ASCC3: variants seen among roughly 807,000 people sequenced by gnomAD.
The protein encoded by ASCC3 is activating signal cointegrator 1 complex subunit 3, also known as ASC-1 complex subunit P200.
In ASCC3, 158 loss-of-function variants were observed where a neutral mutation model predicts 256.3. The observed-to-expected ratio is 0.62, with a 90% CI of 0.54 to 0.70. The LOEUF is 0.70. ASCC3 is among the 30% of genes least tolerant of loss of function. The probability of loss-of-function intolerance (pLI) is 0.00; values close to 1 mark genes in which losing one functional copy is unlikely to be tolerated. For synonymous variants in ASCC3, 948 were observed against 883.4 expected, an observed-to-expected ratio of 1.07 and a Z score of -1.30; for missense variants, 2,259 against 2,626.0, an observed-to-expected ratio of 0.86 and a Z score of 3.05.
chr6:100,637,498 T>C (rs142509179), intron 25 of ASCC3, among the ~76,000 whole-genome samples: 193 of 152,254 alleles, frequency 1.3e-3, no homozygotes, highest in African/African-American at 4.5e-3. Flanking sequence ...TCCAGGGATA[T>C]AGGGGTAATT....
chr6:100,645,604 T>C (rs1775340912), intron 22 of ASCC3, among the ~76,000 whole-genome samples: 1 of 152,178 alleles, frequency 6.6e-6, no homozygotes, highest in East Asian at 1.9e-4. Flanking sequence ...TTGTTTTCCC[T>C]GATTGGCTTC....
Position 100,606,778 on chromosome 6 carries a change from T to C in ASCC3, c.5006A>G (p.Asp1669Gly). 1 of 1,608,766 alleles carries C rather than the reference T, an allele frequency of 6.2e-7. No homozygotes were observed. The highest frequency in any genetic ancestry group is 8.5e-7 in the Non-Finnish European group (1 of 1,178,008). Residue 1669 changes from aspartate (D) to glycine (G), a missense_variant, in exon 32 of 42, where the codon GAT becomes GGT. By Grantham distance (94) the Asp-to-Gly change is moderately conservative. Coordinates refer to ENST00000369162, the MANE Select transcript of ASCC3 (RefSeq NM_006828.4). ...ATCCACATAACGTCTTGTTTTTCCA[T>C]CATAGTATTCTGTTCCCTTAATAAT... ...LVIIKGTEYY[D>G]GKTRRYVDFP...
chr6:100,798,310 A>C (rs1479182247), intron 8 of ASCC3, among the ~76,000 whole-genome samples: 1 of 152,108 alleles, frequency 6.6e-6, no homozygotes, highest in Non-Finnish European at 1.5e-5. Context: ...AAAATTTAAA[A>C]ATTTAGAAAA....
chr6:100,671,018 G>T (rs1188460663), intron 14 of ASCC3, among the ~76,000 whole-genome samples: 3 of 151,866 alleles, frequency 2.0e-5, no homozygotes, highest in Non-Finnish European at 1.5e-5. Context: ...AGTTGATTTG[G>T]AAAGACCTCC....
intron 36 of ASCC3, among the ~76,000 whole-genome samples, chr6:100,560,748 AAC>A (rs747539213): frequency 0.074 from 9,927 of 133,588 alleles, 311 homozygotes; most frequent in South Asian, 0.11. Flanking sequence ...ATCTTAGAGG[AAC>A]ACACACACAC....
rs183331499 is a variant in ASCC3, at chr6:100,689,506, C to T, written c.2152-9754G>A. Among the ~76,000 whole-genome samples the T allele has an allele frequency of 9.2e-5, 14 of 152,286 alleles. No individual in the cohort carries two copies. In the East Asian group the frequency reaches 2.5e-3, roughly 27 times the overall value. On this transcript the variant is annotated intron_variant, in intron 13 of 41. Transcript: ENST00000369162. ...GAATGCTGCCTGAGGGCAGAGCTTA[C>T]ATTTTGCTAATTTTGAGGTCTACCT...
chr6:100,676,775 CACACACACAA>C (rs1403100713), intron 14 of ASCC3, among the ~76,000 whole-genome samples: 1 of 152,142 alleles, frequency 6.6e-6, no homozygotes, highest in Non-Finnish European at 1.5e-5. Flanking sequence ...CACACACACA[CACACACACAA>C]AAGGAGGATT....
At chr6:100,747,011 CA>C (rs1349908967) in intron 10 of ASCC3, among the ~76,000 whole-genome samples, 3 of 151,718 alleles carry the variant, frequency 2.0e-5, no homozygotes, top group Non-Finnish European at 4.4e-5. Context: ...AACACGTATC[CA>C]ACAAAGAGCT....
intron 17 of ASCC3, 93 bp from the exon 18 acceptor site, chr6:100,652,982 A>AACTATAAAG: frequency 8.0e-7 from 1 of 1,245,126 alleles, no homozygotes; most frequent in Non-Finnish European, 1.1e-6. Context: ...AACTTTTCTT[A>AACTATAAAG]ATGTTTTAGT....
At chr6:100,617,990 C>T (rs1773754976) in intron 30 of ASCC3, among the ~76,000 whole-genome samples, 1 of 152,198 alleles carries the variant, frequency 6.6e-6, no homozygotes, top group African/African-American at 2.4e-5. Flanking sequence ...ATCTAATTGC[C>T]TTGAAATCTC....
intron 30 of ASCC3, among the ~76,000 whole-genome samples, chr6:100,611,118 C>G (rs1322396496): frequency 6.6e-6 from 1 of 152,074 alleles, no homozygotes; most frequent in Admixed American, 6.6e-5. Flanking sequence ...TCTTTTACAC[C>G]AGGGAAGGCT....
intron 24 of ASCC3, among the ~76,000 whole-genome samples, chr6:100,639,371 G>C (rs1166102581): frequency 3.3e-5 from 5 of 152,148 alleles, no homozygotes; most frequent in Non-Finnish European, 7.4e-5. Flanking sequence ...AGAAAACCTA[G>C]AAAGAAACTA....
At chr6:100,747,996 C>A (rs1249802389) in intron 10 of ASCC3, among the ~76,000 whole-genome samples, 1 of 151,890 alleles carries the variant, frequency 6.6e-6, no homozygotes, top group Non-Finnish European at 1.5e-5. Context: ...GAATAAATAG[C>A]TTTTATCCTC....
At chr6:100,664,649 T>C (rs1362715548) in intron 14 of ASCC3, among the ~76,000 whole-genome samples, 1 of 152,146 alleles carries the variant, frequency 6.6e-6, no homozygotes, top group African/African-American at 2.4e-5. Context: ...TTAGGACTAA[T>C]TACACTTGGA....
At chr6:100,772,513 G>C (rs1307457169) in intron 8 of ASCC3, among the ~76,000 whole-genome samples, 1 of 152,214 alleles carries the variant, frequency 6.6e-6, no homozygotes, top group African/African-American at 2.4e-5. Flanking sequence ...TAACAACATA[G>C]ATGAGTTAGA....
chr6:100,718,435 T>C (rs1415035203), intron 11 of ASCC3, among the ~76,000 whole-genome samples, 184 bp from the exon 12 acceptor site: 2 of 152,086 alleles, frequency 1.3e-5, no homozygotes, highest in Non-Finnish European at 1.5e-5. Context: ...AACAGATACA[T>C]AGTAGAATTC....
intron 36 of ASCC3, among the ~76,000 whole-genome samples, chr6:100,558,121 A>T (rs1769714734): frequency 6.6e-6 from 1 of 151,698 alleles, no homozygotes. Flanking sequence ...TTGGTTTATT[A>T]TAGTAATATA....
chr6:100,623,538 C>G (rs1270521452), intron 30 of ASCC3, among the ~76,000 whole-genome samples: 1 of 152,038 alleles, frequency 6.6e-6, no homozygotes, highest in Non-Finnish European at 1.5e-5. Context: ...ACTGTTAATC[C>G]TGGGCACCAG....
At chr6:100,651,145 A>G (rs1164682078) in intron 19 of ASCC3, among the ~76,000 whole-genome samples, 1 of 151,834 alleles carries the variant, frequency 6.6e-6, no homozygotes, top group African/African-American at 2.4e-5. Context: ...CATAGCTTAA[A>G]GCCATGAAGT....
Sources: gnomAD v4.1 joint callset for allele counts (sites outside exome capture counted in the v4.1 genomes callset) on GRCh38, gnomAD v4.1.1 for gene constraint, MANE v1.5 for transcripts, NCBI Gene and HGNC (gene_info 2026-07-23, HGNC 2026-07-21) for gene names.